Variants in PEAK1 observed in about 807,000 individuals in gnomAD.
The protein encoded by PEAK1 is inactive tyrosine-protein kinase PEAK1.
In PEAK1, 54 loss-of-function variants were observed where a neutral mutation model predicts 124.7. That is an observed-to-expected ratio of 0.43 (90% CI 0.35 to 0.54). The LOEUF (loss-of-function observed/expected upper bound fraction) is 0.54. Ranked by LOEUF, PEAK1 falls within the 20% of genes least tolerant of loss-of-function variation. The pLI is 0.01. For missense variants in PEAK1, 2,046 were observed against 2,134.5 expected (o/e 0.96, Z 0.82); for synonymous variants, 719 against 760.0 (o/e 0.95, Z 0.89).
intron 2 of PEAK1, among the ~76,000 whole-genome samples, chr15:77,340,332 A>C (rs186860040): frequency 6.6e-6 from 1 of 152,362 alleles, no homozygotes; most frequent in South Asian, 2.1e-4. Context: ...AGGAAGCTTG[A>C]ACTAACACAG....
intron 2 of PEAK1, among the ~76,000 whole-genome samples, chr15:77,353,127 C>T (rs901980239): frequency 1.3e-5 from 2 of 152,164 alleles, no homozygotes; most frequent in Admixed American, 6.5e-5. Flanking sequence ...CCCCAAATAA[C>T]CGTGAAAAAG....
intron 1 of PEAK1, among the ~76,000 whole-genome samples, chr15:77,371,974 TA>T (rs1280510005): frequency 6.6e-6 from 1 of 152,224 alleles, no homozygotes; most frequent in Non-Finnish European, 1.5e-5. Flanking sequence ...ATGGGTACTT[TA>T]AAATCACTCA....
intron 1 of PEAK1, among the ~76,000 whole-genome samples, chr15:77,408,122 T>C (rs1234668404): frequency 6.9e-6 from 1 of 145,598 alleles, no homozygotes; most frequent in Non-Finnish European, 1.5e-5. Context: ...TACACATATA[T>C]ACATATAGAC....
chr15:77,257,948 C>A (rs188964845), intron 5 of PEAK1, among the ~76,000 whole-genome samples: 1 of 152,176 alleles, frequency 6.6e-6, no homozygotes, highest in Non-Finnish European at 1.5e-5. Flanking sequence ...CTACATATAG[C>A]TAGCCAGTTT....
intron 6 of PEAK1, among the ~76,000 whole-genome samples, chr15:77,242,196 T>C (rs2060388776): frequency 1.3e-5 from 2 of 152,118 alleles, no homozygotes; most frequent in South Asian, 4.1e-4. Flanking sequence ...TTGTTAGAAG[T>C]ACATTTTTTG....
intron 6 of PEAK1, among the ~76,000 whole-genome samples, chr15:77,248,723 C>A (rs929815644): frequency 2.0e-5 from 3 of 151,972 alleles, no homozygotes; most frequent in Non-Finnish European, 2.9e-5. Context: ...CAGTTTAGGC[C>A]CAATGGACTA....
At chr15:77,387,773 T>A (rs1036019125) in intron 1 of PEAK1, among the ~76,000 whole-genome samples, 1 of 152,062 alleles carries the variant, frequency 6.6e-6, no homozygotes, top group African/African-American at 2.4e-5. Context: ...ATAAATAAAA[T>A]AGTGACAGTG....
chr15:77,116,701 A>ATCT (rs2051404880), intron 9 of PEAK1, among the ~76,000 whole-genome samples: 98 of 145,858 alleles, frequency 6.7e-4, no homozygotes, highest in African/African-American at 1.6e-3. Context: ...GAAATCAATC[A>ATCT]ATCTATCTAT....
chr15:77,357,549 C>T (rs1431485849), intron 2 of PEAK1, among the ~76,000 whole-genome samples: 2 of 152,136 alleles, frequency 1.3e-5, no homozygotes, highest in Admixed American at 1.3e-4. Flanking sequence ...GCTGGAATTA[C>T]AGGCATGAGC....
intron 7 of PEAK1, among the ~76,000 whole-genome samples, chr15:77,173,024 G>A (rs905450490): frequency 6.6e-6 from 1 of 152,094 alleles, no homozygotes; most frequent in Non-Finnish European, 1.5e-5. Flanking sequence ...AAAGTGCTGG[G>A]ATTACAGGCA....
intron 8 of PEAK1, among the ~76,000 whole-genome samples, chr15:77,139,787 AAAC>A (rs1290755438): frequency 6.6e-6 from 1 of 152,124 alleles, no homozygotes; most frequent in Non-Finnish European, 1.5e-5. Context: ...AAATATAAAC[AAAC>A]AACAACACAC....
chr15:77,382,691 T>G (rs955795704), intron 1 of PEAK1, among the ~76,000 whole-genome samples: 5 of 152,172 alleles, frequency 3.3e-5, no homozygotes, highest in African/African-American at 9.7e-5. Flanking sequence ...CAGAGTCATT[T>G]TTCTTTCTCT....
At chr15:77,242,186 T>C (rs2060387912) in intron 6 of PEAK1, among the ~76,000 whole-genome samples, 1 of 152,114 alleles carries the variant, frequency 6.6e-6, no homozygotes, top group Admixed American at 6.5e-5. Context: ...TTAAGGTAAA[T>C]TGTTAGAAGT....
intron 5 of PEAK1, among the ~76,000 whole-genome samples, chr15:77,266,155 T>C (rs1054725209): frequency 1.9e-4 from 29 of 152,194 alleles, no homozygotes; most frequent in African/African-American, 5.8e-4. Flanking sequence ...TAACGCTAGA[T>C]GACAAGTTAG....
intron 2 of PEAK1, among the ~76,000 whole-genome samples, chr15:77,338,634 T>TAA (rs66627554): frequency 3.0e-4 from 43 of 142,362 alleles, no homozygotes; most frequent in Non-Finnish European, 4.4e-4. Context: ...GAAAAATCTT[T>TAA]AAAAAAAAAA....
intron 8 of PEAK1, among the ~76,000 whole-genome samples, chr15:77,152,302 T>G (rs1373293117): frequency 2.0e-5 from 3 of 152,090 alleles, no homozygotes; most frequent in Non-Finnish European, 4.4e-5. Context: ...CTGTTATTGG[T>G]GTATAAGAAT....
At chr15:77,376,140 C>T (rs555425729) in intron 1 of PEAK1, among the ~76,000 whole-genome samples, 4 of 151,696 alleles carry the variant, frequency 2.6e-5, no homozygotes, top group Non-Finnish European at 5.9e-5. Context: ...AGAAAATGTA[C>T]AGTTCACTTA....
At chr15:77,247,368 T>C (rs2060634657) in intron 6 of PEAK1, among the ~76,000 whole-genome samples, 1 of 152,138 alleles carries the variant, frequency 6.6e-6, no homozygotes, top group South Asian at 2.1e-4. Flanking sequence ...GGAAATTCCT[T>C]CAATTCCTAG....
intron 5 of PEAK1, among the ~76,000 whole-genome samples, chr15:77,266,445 T>TA (rs1157325486): frequency 5.3e-5 from 8 of 152,044 alleles, no homozygotes; most frequent in Non-Finnish European, 7.4e-5. Flanking sequence ...ACCCTGAACT[T>TA]ACTCCTCTAC....
Sources: allele counts gnomAD v4.1 joint callset (sites outside exome capture counted in the v4.1 genomes callset), GRCh38; gene constraint gnomAD v4.1.1; transcripts MANE v1.5; gene names NCBI Gene and HGNC (gene_info 2026-07-23, HGNC 2026-07-21).